The following AGBL1 variants were observed in gnomAD, a reference collection of about 807,000 sequenced individuals.
AGBL1 encodes AGBL carboxypeptidase 1, also known as cytosolic carboxypeptidase 4.
A neutral mutation model predicts 118.9 loss-of-function variants in AGBL1; 130 were observed. The observed-to-expected ratio is 1.09, with a 90% CI of 0.95 to 1.26. The LOEUF (loss-of-function observed/expected upper bound fraction) is 1.26. Ranked by LOEUF, AGBL1 falls within the 50% of genes most tolerant of loss-of-function variation. AGBL1 has a pLI of 0.00. For missense variants in AGBL1, 1,584 were observed against 1,298.1 expected, an observed-to-expected ratio of 1.22 and a Z score of -3.38; for synonymous variants, 555 against 478.9, an observed-to-expected ratio of 1.16 and a Z score of -2.08.
intron 23 of AGBL1, among the ~76,000 whole-genome samples, chr15:86,970,198 A>C (rs2081092910): frequency 6.6e-6 from 1 of 151,902 alleles, no homozygotes. Flanking sequence ...CAGCCCTCAG[A>C]ACAACCCCTG....
Position 86,151,261 on chromosome 15 carries a change from T to C in AGBL1, c.263-3169T>C, listed in dbSNP as rs1394511640. ...CACGTGTATACATATGTAACTAAGC[T>C]GCACATTGTGCACAAGTACCCTAAA... On this transcript the variant is annotated intron_variant, in intron 3 of 22. Transcript: ENST00000614907. Among the ~76,000 whole-genome samples, 3 of 148,778 alleles carry C rather than the reference T, an allele frequency of 2.0e-5. No individual in the cohort carries two copies. The Admixed American group carries it at 2.0e-4, about 10-fold the overall frequency.
chr15:86,460,860 T>C (rs568387543), intron 18 of AGBL1, among the ~76,000 whole-genome samples: 27 of 152,208 alleles, frequency 1.8e-4, no homozygotes, highest in Non-Finnish European at 3.4e-4. Context: ...TTCTTGTCTG[T>C]ATACCACTCT....
At chr15:86,325,181 G>A (rs77962223) in intron 17 of AGBL1, among the ~76,000 whole-genome samples, 3,004 of 152,296 alleles carry the variant, frequency 0.02, 40 homozygotes, top group Middle Eastern at 0.068. Context: ...AGGAAAACAC[G>A]GAGTGATTTT....
At chr15:86,487,331 A>G (rs1232763237) in intron 18 of AGBL1, among the ~76,000 whole-genome samples, 1 of 152,096 alleles carries the variant, frequency 6.6e-6, no homozygotes, top group African/African-American at 2.4e-5. Flanking sequence ...ACCCCAGCCC[A>G]TGGAAGATGA....
At chr15:86,936,240 ATGTGTGTGTGTG>A (rs767265459) in intron 23 of AGBL1, among the ~76,000 whole-genome samples, 1 of 134,032 alleles carries the variant, frequency 7.5e-6, no homozygotes, top group Non-Finnish European at 1.6e-5. Flanking sequence ...GTGTGTATGT[ATGTGTGTGTGTG>A]TGTGTGTGTG....
chr15:86,967,460 G>A (rs966900159), intron 23 of AGBL1, among the ~76,000 whole-genome samples: 12 of 152,086 alleles, frequency 7.9e-5, no homozygotes, highest in Admixed American at 7.2e-4. Context: ...ATGGTTTTAG[G>A]TCTAACATTT....
chr15:86,901,807 A>G (rs957678603), intron 22 of AGBL1, among the ~76,000 whole-genome samples: 20 of 152,120 alleles, frequency 1.3e-4, no homozygotes. Flanking sequence ...GTAAACCTAC[A>G]TAGTTTTTAT....
intron 22 of AGBL1, among the ~76,000 whole-genome samples, chr15:86,849,924 C>G (rs1411918657): frequency 6.6e-6 from 1 of 152,134 alleles, no homozygotes; most frequent in African/African-American, 2.4e-5. Flanking sequence ...AGGAGCTGGT[C>G]TTTTTGGTCT....
At chr15:86,191,600 A>T (rs1349127612) in intron 5 of AGBL1, among the ~76,000 whole-genome samples, 1 of 152,078 alleles carries the variant, frequency 6.6e-6, no homozygotes, top group Non-Finnish European at 1.5e-5. Context: ...CTTTCTGAAT[A>T]GAAAGAGAGA....
At chr15:86,530,676 A>C (rs965289617) in intron 19 of AGBL1, among the ~76,000 whole-genome samples, 13 of 151,234 alleles carry the variant, frequency 8.6e-5, no homozygotes, top group Admixed American at 4.6e-4. Flanking sequence ...GCACCACACC[A>C]CACCTATTCC....
intron 15 of AGBL1, among the ~76,000 whole-genome samples, chr15:86,274,375 C>T (rs896013928): frequency 1.3e-5 from 2 of 151,836 alleles, no homozygotes; most frequent in Admixed American, 1.3e-4. Context: ...TAGGCTATGT[C>T]CATTCTGCCA....
At chr15:86,322,198 TC>T (rs1176583904) in intron 17 of AGBL1, among the ~76,000 whole-genome samples, 2 of 151,808 alleles carry the variant, frequency 1.3e-5, no homozygotes, top group African/African-American at 2.4e-5. Flanking sequence ...ATCTTATATA[TC>T]TTTATTAACT....
At chr15:86,897,412 CTATTA>C (rs961753877) in intron 22 of AGBL1, among the ~76,000 whole-genome samples, 2 of 151,978 alleles carry the variant, frequency 1.3e-5, no homozygotes, top group Non-Finnish European at 2.9e-5. Context: ...AGATTTTTTT[CTATTA>C]TATCTTTAAA....
chr15:86,664,988 T>A (rs574633895), intron 21 of AGBL1, among the ~76,000 whole-genome samples: 1 of 152,236 alleles, frequency 6.6e-6, no homozygotes. Context: ...AATATTTAAA[T>A]CATGCAACCT....
chr15:86,747,210 T>C (rs568263758), intron 22 of AGBL1, among the ~76,000 whole-genome samples: 2 of 151,978 alleles, frequency 1.3e-5, no homozygotes, highest in African/African-American at 4.8e-5. Context: ...GAGAGGAGAA[T>C]GTAAGAGTAT....
At chr15:86,714,441 T>A (rs1310101538) in intron 22 of AGBL1, among the ~76,000 whole-genome samples, 1 of 152,106 alleles carries the variant, frequency 6.6e-6, no homozygotes, top group Admixed American at 6.5e-5. Flanking sequence ...ATTGAAGCAG[T>A]TTAAACTCTA....
chr15:86,720,933 C>G (rs1172403627), intron 22 of AGBL1, among the ~76,000 whole-genome samples: 2 of 152,128 alleles, frequency 1.3e-5, no homozygotes. Context: ...CATACACCCT[C>G]CCAAGACTAA....
intron 5 of AGBL1, among the ~76,000 whole-genome samples, chr15:86,166,168 C>T (rs923844646): frequency 6.6e-5 from 10 of 152,212 alleles, no homozygotes; most frequent in African/African-American, 1.9e-4. Context: ...TACTCCAAGA[C>T]ACTTTTCTGC....
At chr15:87,025,386 G>T (rs550352709) in intron 24 of AGBL1, among the ~76,000 whole-genome samples, 25 of 150,750 alleles carry the variant, frequency 1.7e-4, no homozygotes, top group Middle Eastern at 6.5e-3. Context: ...TAAAATAGCT[G>T]CAAAACAAAA....
Sources: allele counts gnomAD v4.1 joint callset (sites outside exome capture counted in the v4.1 genomes callset), GRCh38; gene constraint gnomAD v4.1.1; transcripts MANE v1.5; gene names NCBI Gene and HGNC (gene_info 2026-07-23, HGNC 2026-07-21).